The following MEG3 variants were observed in gnomAD, a reference collection of about 807,000 sequenced individuals.
MEG3 encodes the protein maternally expressed 3, also known as Very putative protein from MEG3 locus.
intron 3 of MEG3, chr14:100,847,361 G>A (rs2037948272): frequency 6.6e-6 from 1 of 152,254 alleles, no homozygotes; most frequent in Non-Finnish European, 1.5e-5. Context: ...AGCGCCAGGT[G>A]ACAAGATGTT....
At chr14:100,859,902 C>T (rs2038354596) in exon 1 of MEG3, 1 of 152,256 alleles carries the variant, frequency 6.6e-6, no homozygotes, top group Non-Finnish European at 1.5e-5. Context: ...TTCGAGGCCC[C>T]CGCAACCCCT....
rs2139961765 is a variant in MEG3 at position 100,837,876 on chromosome 14, G to A, written n.3045+1576G>A. Among the ~76,000 whole-genome samples the A allele has an allele frequency of 6.6e-6, 1 of 152,138 alleles. No homozygotes were observed. Among genetic ancestry groups the A allele is most frequent in the East Asian group, 1.9e-4 (1 of 5,138 alleles). On this transcript the variant is annotated intron_variant and non_coding_transcript_variant, in intron 2 of 3. Coordinates refer to the MEG3 transcript ENST00000398461. The surrounding 1 kb of genome is among the most constrained non-coding windows in gnomAD (Gnocchi z 5.8). ...CTGGGGCTGTTGCCTTTGTCTGCTT[G>A]TTTCTGCTCTCTGGAGAGCCCCAGA...
At position 100,828,803 on chromosome 14, in the gene MEG3, A is replaced by G. The variant is rs1335421587; in HGVS notation, n.467A>G. ...GCTGCTGCCAAGGGGCCTGCTGCCC[A>G]TCTACACCTCACGGTACTTCAACCC... On this transcript the variant is annotated non_coding_transcript_exon_variant, in exon 2 of 3. Transcript: ENST00000556407. 2.0e-5 allele frequency: 3 copies of G among 151,920 alleles called. No individual in the cohort carries two copies. In the East Asian group the frequency reaches 5.9e-4, roughly 30 times the overall value. The allele number at this position is 151,920 out of a possible 1,614,324, so 9.4% of individuals were successfully genotyped here.
intron 2 of MEG3, among the ~76,000 whole-genome samples, chr14:100,840,907 G>A (rs2037736773): frequency 6.6e-6 from 1 of 152,238 alleles, no homozygotes; most frequent in African/African-American, 2.4e-5. Context: ...TCACAGCTGG[G>A]CTGCTCCTTC....
rs61149909 is a variant in MEG3 at position 100,845,394 on chromosome 14, CCCT to C, written n.3046-53_3046-51del. The C allele has an allele frequency of 0.23, 98,137 of 427,668 alleles. 14,378 individuals are homozygous for C. Among genetic ancestry groups the C allele is most frequent in the African/African-American group, 0.54 (26,324 of 49,118 alleles). The allele number at this position is 427,668 out of a possible 1,614,324, so 26.5% of individuals were successfully genotyped here. On this transcript the variant is annotated intron_variant and non_coding_transcript_variant, in intron 2 of 3. Coordinates refer to the MEG3 transcript ENST00000398461. The surrounding 1 kb of genome is among the most constrained non-coding windows in gnomAD (Gnocchi z 5.2). ...CCCCCAGAGCTGTTGTCCTCATCCG[CCCT>C]CCTCCTCCTCGCCGGCCTGAGTGAG...
At chr14:100,853,172 G>C (rs2038138631), upstream of MEG3, 2 of 152,186 alleles carry the variant, frequency 1.3e-5, no homozygotes, top group Non-Finnish European at 2.9e-5. Context: ...TCTGGTCAGG[G>C]CCTATCTTTA....
At chr14:100,859,125 A>G (rs1043848497) in exon 1 of MEG3, 2 of 152,380 alleles carry the variant, frequency 1.3e-5, no homozygotes, top group South Asian at 2.1e-4. Context: ...TAGTAGGCAC[A>G]TAATAGATGC....
At chr14:100,835,049 G>A (rs1001204313) in exon 1 of MEG3, 5 of 344,514 alleles carry the variant, frequency 1.5e-5, no homozygotes, top group South Asian at 4.4e-5. Flanking sequence ...AGGGCGGGCC[G>A]GGGGGTTGCC....
At chr14:100,826,527 C>A (rs1462076520) in intron 1 of MEG3, among the ~76,000 whole-genome samples, 4 of 152,158 alleles carry the variant, frequency 2.6e-5, no homozygotes, top group African/African-American at 7.2e-5. Context: ...CTCTTGGATT[C>A]GGGTATACGG....
At chr14:100,830,027 T>TG (rs1231377521), downstream of MEG3, 1 of 152,178 alleles carries the variant, frequency 6.6e-6, no homozygotes, top group Admixed American at 6.5e-5. Context: ...AGAAACTTGC[T>TG]GGGAGGTGTA....
At chr14:100,840,585 C>T (rs1324817836) in intron 2 of MEG3, among the ~76,000 whole-genome samples, 1 of 152,192 alleles carries the variant, frequency 6.6e-6, no homozygotes, top group Admixed American at 6.5e-5. Context: ...TTGTGTGGGG[C>T]CCCTTGCCCT....
exon 1 of MEG3, chr14:100,834,555 C>T (rs2037498297): frequency 2.6e-6 from 1 of 392,154 alleles, no homozygotes; most frequent in Non-Finnish European, 5.1e-6. Context: ...TCCTTGAGTC[C>T]CTGCTTTTTC....
chr14:100,843,254 A>C lies in MEG3; in HGVS notation n.3046-2204A>C, dbSNP rs142160082. Reference sequence around the variant, plus strand: ...AAAAACACAAAAAAGAACAAAACAAAAACAGCCAAACAAAGCACCCGCCTC... The same window carrying C: ...AAAAACACAAAAAAGAACAAAACAACAACAGCCAAACAAAGCACCCGCCTC... On this transcript the variant is annotated intron_variant and non_coding_transcript_variant, in intron 2 of 3. Transcript: ENST00000398461. 5.4e-3 allele frequency among the ~76,000 whole-genome samples: 830 copies of C among 152,306 alleles called. 7 individuals are homozygous for C. Among genetic ancestry groups the C allele is most frequent in the Non-Finnish European group, 6.0e-3 (408 of 68,034 alleles).
chr14:100,852,956 A>AT (rs1291827892), upstream of MEG3: 1 of 154,706 alleles, frequency 6.5e-6, no homozygotes, highest in African/African-American at 2.4e-5. Context: ...TGTGGAGGCC[A>AT]TGAGGGGGGA....
At chr14:100,834,682 AG>A (rs1566722445) in exon 1 of MEG3, 1 of 456,202 alleles carries the variant, frequency 2.2e-6, no homozygotes, top group Non-Finnish European at 4.4e-6. Context: ...GTGTCTCCTC[AG>A]GGTGTCCCAG....
At chr14:100,829,776 G>A (rs1360092184), downstream of MEG3, 7 of 152,152 alleles carry the variant, frequency 4.6e-5, no homozygotes, top group East Asian at 5.8e-4. Flanking sequence ...GACCATCGAC[G>A]GGCTGACTTG....
chr14:100,852,732 G>A (rs1004461191), upstream of MEG3: 14 of 239,102 alleles, frequency 5.9e-5, no homozygotes, highest in South Asian at 3.7e-4. Context: ...TGCAGAAGGC[G>A]GGGAAGGGAG....
At chr14:100,852,616 TG>T, upstream of MEG3, 1 of 351,102 alleles carries the variant, frequency 2.8e-6, no homozygotes, top group Non-Finnish European at 5.7e-6. Context: ...TGGATGAGGA[TG>T]GGGCGGGAGG....
chr14:100,860,585 G>GCTCTC, intron 1 of MEG3: 1 of 450,090 alleles, frequency 2.2e-6, no homozygotes, highest in Middle Eastern at 3.3e-4. Context: ...GCAGGGACTT[G>GCTCTC]CTCTCCTCTC....
Sources: allele counts gnomAD v4.1 joint callset (sites outside exome capture counted in the v4.1 genomes callset), GRCh38; gene constraint gnomAD v4.1.1; non-coding constraint Gnocchi (gnomAD v3.1); transcripts MANE v1.5; gene names NCBI Gene and HGNC (gene_info 2026-07-23, HGNC 2026-07-21).